The following TRPM6 variants were observed in gnomAD, a reference collection of about 807,000 sequenced individuals.
TRPM6 encodes channel kinase 2.
A neutral mutation model predicts 247.6 loss-of-function variants in TRPM6; 111 were observed. The ratio of observed to expected loss-of-function variants is 0.45; its 90% CI spans 0.38 to 0.52. The LOEUF (loss-of-function observed/expected upper bound fraction) is 0.52. Among genes scored for constraint, TRPM6 ranks in the 20% least tolerant of loss-of-function variants. The pLI, the probability that TRPM6 is intolerant of heterozygous loss-of-function variation, is 0.00. For missense variants in TRPM6, 2,126 were observed against 2,421.5 expected (o/e 0.88, Z 2.56); for synonymous variants, 892 against 853.8 (o/e 1.04, Z -0.78).
chr9:74,806,521 A>G (rs1828532896), intron 14 of TRPM6, among the ~76,000 whole-genome samples: 2 of 152,156 alleles, frequency 1.3e-5, no homozygotes, highest in African/African-American at 4.8e-5. Flanking sequence ...TAAAGGCAAC[A>G]CCCAAATTAT....
chr9:74,798,333 T>G (rs1337528306), intron 17 of TRPM6, among the ~76,000 whole-genome samples: 4 of 152,082 alleles, frequency 2.6e-5, no homozygotes, highest in Non-Finnish European at 5.9e-5. Flanking sequence ...CCTAGGAAGA[T>G]TCTCTGGACT....
chr9:74,788,922 G>A (rs1827793652), intron 19 of TRPM6, among the ~76,000 whole-genome samples, 180 bp from the exon 20 acceptor site: 1 of 152,222 alleles, frequency 6.6e-6, no homozygotes, highest in Non-Finnish European at 1.5e-5. Context: ...AATCCATGGT[G>A]TTCTAGTCTA....
chr9:74,812,342 T>A lies in TRPM6; in HGVS notation c.1400A>T (p.His467Leu). 1 of 1,613,990 alleles carries A rather than the reference T, an allele frequency of 6.2e-7. No individual in the cohort carries two copies. The change falls in exon 12 of 39, where the codon CAT becomes CTT. Residue 467 changes from histidine (H) to leucine (L), a missense_variant. By Grantham distance (99) the His-to-Leu change is moderately conservative. Around this residue, in one of 3 missense-constraint regions of TRPM6, gnomAD observed 1,082 missense variants for 1,307.9 expected, o/e 0.83. Transcript: ENST00000360774. Reference protein sequence around the residue: ...KLLIEYGVNLHRFLTIPRLEE... With the variant: ...KLLIEYGVNLLRFLTIPRLEE... ...CAGTCGAGGGATGGTAAGAAAGCGATGGAGGTTCACTCCATATTCTATTAA... is the reference window on the plus strand; with the variant it reads ...CAGTCGAGGGATGGTAAGAAAGCGAAGGAGGTTCACTCCATATTCTATTAA...
At chr9:74,797,645 T>C (rs939368666) in intron 17 of TRPM6, among the ~76,000 whole-genome samples, 3 of 152,266 alleles carry the variant, frequency 2.0e-5, no homozygotes, top group East Asian at 1.9e-4. Context: ...TAGAAGAACA[T>C]AGAGTGATCC....
chr9:74,762,678 C>CA lies in TRPM6; in HGVS notation c.3992dup (p.Ser1332ValfsTer3). ...TTGAGTGTGCTTGCCTGTTAGGAGA[C>CA]ACCCCAGAAACCACTATACTACTTT... On this transcript the variant is annotated frameshift_variant, in exon 26 of 39. Coordinates refer to ENST00000360774, the MANE Select transcript of TRPM6 (RefSeq NM_017662.5). LOFTEE classifies it high-confidence loss of function. 6.2e-7 allele frequency: 1 copy of CA among 1,614,178 alleles called. No individual in the cohort carries two copies. Among genetic ancestry groups the CA allele is most frequent in the Non-Finnish European group, 8.5e-7 (1 of 1,180,020 alleles).
rs12003173 is a variant in TRPM6, at chr9:74,760,832, G to A, written c.4785+864C>T. Among the ~76,000 whole-genome samples, 1,352 of 152,170 alleles carry A rather than the reference G, an allele frequency of 8.9e-3. 12 individuals carry two copies. The highest frequency in any genetic ancestry group is 0.025 in the African/African-American group (1,052 of 41,520). On this transcript the variant is annotated intron_variant, in intron 27 of 38. Coordinates refer to ENST00000360774, the MANE Select transcript of TRPM6 (RefSeq NM_017662.5). Reference sequence around the variant, plus strand: ...CTCTGGCTCATGAATACATTAATTCGTTCATGAGTTAATGGACTAATGGAT... The same window carrying A: ...CTCTGGCTCATGAATACATTAATTCATTCATGAGTTAATGGACTAATGGAT...
At chr9:74,765,385 T>G (rs1311699404) in intron 25 of TRPM6, among the ~76,000 whole-genome samples, 2 of 151,574 alleles carry the variant, frequency 1.3e-5, no homozygotes, top group Non-Finnish European at 2.9e-5. Flanking sequence ...AATAGTATCA[T>G]TTTAACTGGA....
intron 32 of TRPM6, among the ~76,000 whole-genome samples, chr9:74,743,119 CAG>C (rs1825916920): frequency 6.6e-6 from 1 of 152,168 alleles, no homozygotes; most frequent in Admixed American, 6.5e-5. Flanking sequence ...CCTAACAGAT[CAG>C]AGTCAATATG....
Position 74,753,559 on chromosome 9 carries a change from TG to T in TRPM6, c.4907-1192del, listed in dbSNP as rs200165748. Among the ~76,000 whole-genome samples, 1,467 of 151,944 alleles carry T rather than the reference TG, an allele frequency of 9.7e-3. 15 individuals are homozygous for T. Among genetic ancestry groups the T allele is most frequent in the African/African-American group, 0.034 (1,401 of 41,418 alleles). ...AAAAATAAACAAAATTAGCCAAGCA[TG>T]GTGGCACATGCTATAGTCCCAGCTA... On this transcript the variant is annotated intron_variant, in intron 28 of 38. Transcript: ENST00000360774.
chr9:74,866,364 G>A (rs1348962118), intron 1 of TRPM6, among the ~76,000 whole-genome samples: 3 of 152,202 alleles, frequency 2.0e-5, no homozygotes, highest in Non-Finnish European at 2.9e-5. Context: ...CTAAAAGAAT[G>A]AGAGAAGGCT....
chr9:74,767,212 A>T (rs1826857766), intron 25 of TRPM6, among the ~76,000 whole-genome samples: 1 of 152,158 alleles, frequency 6.6e-6, no homozygotes, highest in Non-Finnish European at 1.5e-5. Context: ...TACAATGCAC[A>T]TTATGTTAAA....
rs1827786134 is a variant in TRPM6, at chr9:74,788,755, C to A, written c.2539-13G>T. The A allele has an allele frequency of 3.1e-6, 5 of 1,613,274 alleles. No individual in the cohort carries two copies. The highest frequency in any genetic ancestry group is 4.2e-6 in the Non-Finnish European group (5 of 1,179,648). The stretch of plus-strand genomic sequence containing the variant: ...CCAAATACGCCATCTGTGAGGGGGA[C>A]ACACATTCCCCAGATGTGAGTGAGA... On this transcript the variant is annotated splice_polypyrimidine_tract_variant and intron_variant, in intron 19 of 38. Coordinates refer to ENST00000360774, the MANE Select transcript of TRPM6 (RefSeq NM_017662.5).
At chr9:74,805,395 A>T (rs1828494249) in intron 14 of TRPM6, among the ~76,000 whole-genome samples, 1 of 152,224 alleles carries the variant, frequency 6.6e-6, no homozygotes, top group Non-Finnish European at 1.5e-5. Context: ...CTAAGAGCCC[A>T]CAGGTTCAGT....
At chr9:74,867,424 A>G (rs1180360769) in intron 1 of TRPM6, among the ~76,000 whole-genome samples, 1 of 152,206 alleles carries the variant, frequency 6.6e-6, no homozygotes, top group Non-Finnish European at 1.5e-5. Context: ...GAGCAAGAAT[A>G]TACCATTCCC....
chr9:74,857,802 G>A (rs1224900131), intron 2 of TRPM6: 1 of 152,134 alleles, frequency 6.6e-6, no homozygotes, highest in East Asian at 1.9e-4. Context: ...GAAGGAAAAC[G>A]GAACTGAAAT....
At chr9:74,788,807 G>A (rs1033026909) in intron 19 of TRPM6, 65 bp from the exon 20 acceptor site, 23 of 1,582,914 alleles carry the variant, frequency 1.5e-5, no homozygotes, top group African/African-American at 2.7e-5. Context: ...CCAAGGAGAC[G>A]CAGATGGAGC....
At chr9:74,819,432 C>A (rs988598783) in intron 9 of TRPM6, among the ~76,000 whole-genome samples, 2 of 152,088 alleles carry the variant, frequency 1.3e-5, no homozygotes, top group Non-Finnish European at 2.9e-5. Flanking sequence ...TCACTTGAGC[C>A]CAGAAATTCA....
chr9:74,755,249 A>G (rs1826394881), intron 28 of TRPM6, 104 bp downstream of exon 28: 12 of 1,215,306 alleles, frequency 9.9e-6, no homozygotes, highest in Non-Finnish European at 1.3e-5. Context: ...TCTTTCCCTC[A>G]TCTCCATGTG....
At chr9:74,772,912 G>A (rs1365519428) in intron 24 of TRPM6, among the ~76,000 whole-genome samples, 1 of 151,996 alleles carries the variant, frequency 6.6e-6, no homozygotes, top group Non-Finnish European at 1.5e-5. Context: ...CTCTGTACCG[G>A]GGAGCTTCTT....
Sources: gnomAD v4.1 joint callset for allele counts (sites outside exome capture counted in the v4.1 genomes callset) on GRCh38, gnomAD v4.1.1 for gene constraint, gnomAD v4.1.1 regional missense constraint, MANE v1.5 for transcripts, NCBI Gene and HGNC (gene_info 2026-07-23, HGNC 2026-07-21) for gene names.